The following FHIP1A variants were observed in gnomAD, a reference collection of about 807,000 sequenced individuals.
The protein encoded by FHIP1A is FHF complex subunit HOOK-interacting protein 1A.
Under a neutral mutation model 88.6 loss-of-function variants are expected in FHIP1A, and 61 were observed. The ratio of observed to expected loss-of-function variants is 0.69; its 90% CI spans 0.56 to 0.85. FHIP1A has a LOEUF of 0.85. FHIP1A is among the 40% of genes least tolerant of loss of function. The pLI, the probability that FHIP1A is intolerant of heterozygous loss-of-function variation, is 0.00. For synonymous variants in FHIP1A, 478 were observed against 496.0 expected (o/e 0.96, Z 0.48); for missense variants, 1,154 against 1,273.5 (o/e 0.91, Z 1.43).
Position 151,666,150 on chromosome 4 carries a change from T to A in FHIP1A, c.*3396T>A, listed in dbSNP as rs1737657766. Reference sequence around the variant, plus strand: ...TTTTTTGGAAATGGCCAAGTAAATGTTTTTTAAAATTTTACACAAAGAAAT... The same window carrying A: ...TTTTTTGGAAATGGCCAAGTAAATGATTTTTAAAATTTTACACAAAGAAAT... On this transcript the variant is annotated 3_prime_UTR_variant, in exon 14 of 14. Transcript: ENST00000435205. Among the ~76,000 whole-genome samples, 1 of 152,242 alleles carries A rather than the reference T, an allele frequency of 6.6e-6. No individual in the cohort carries two copies. The highest frequency in any genetic ancestry group is 2.4e-5 in the African/African-American group (1 of 41,464).
intron 3 of FHIP1A, among the ~76,000 whole-genome samples, chr4:151,501,666 A>C (rs1730652918): frequency 6.6e-6 from 1 of 151,922 alleles, no homozygotes; most frequent in Admixed American, 6.6e-5. Context: ...TTTCTTTGAT[A>C]ATCAAAGATT....
intron 3 of FHIP1A, among the ~76,000 whole-genome samples, chr4:151,497,267 A>G (rs1253089362): frequency 1.3e-5 from 2 of 152,196 alleles, no homozygotes; most frequent in Non-Finnish European, 2.9e-5. Context: ...AAATAAATCC[A>G]TATTTTGCTA....
chr4:151,647,146 A>G (rs1736828903), intron 10 of FHIP1A, among the ~76,000 whole-genome samples: 1 of 152,214 alleles, frequency 6.6e-6, no homozygotes, highest in African/African-American at 2.4e-5. Context: ...AAGGATTTAC[A>G]TATTATTATA....
At chr4:151,642,162 A>G (rs982094288) in intron 9 of FHIP1A, among the ~76,000 whole-genome samples, 2 of 152,258 alleles carry the variant, frequency 1.3e-5, no homozygotes, top group Non-Finnish European at 1.5e-5. Flanking sequence ...CGGATATGAC[A>G]TATGATAGGC....
rs1560825755 is a variant in FHIP1A, at chr4:151,656,397, G to T, written c.2717G>T (p.Arg906Leu). The change falls in exon 12 of 14, where the codon CGC (arginine) becomes CTC (leucine). Residue 906 changes from arginine to leucine, a missense_variant. Physicochemically the swap from Arg to Leu is moderately radical, Grantham distance 102 (BLOSUM62 -2). Coordinates refer to ENST00000435205, the MANE Select transcript of FHIP1A (RefSeq NM_001109977.3). The surrounding 1 kb of genome is among the most constrained non-coding windows in gnomAD (Gnocchi z 4.2). ...NTNMVFQPSVRSLYQVLASVK... is the reference protein window; with the variant it reads ...NTNMVFQPSVLSLYQVLASVK... ...AACATGGTCTTCCAGCCAAGCGTCC[G>T]CTCTCTCTATCAGGTATGTTAGCTG... 2 of 1,551,562 alleles carry T rather than the reference G, an allele frequency of 1.3e-6. No homozygotes were observed. The highest frequency in any genetic ancestry group is 1.7e-6 in the Non-Finnish European group (2 of 1,146,976).
At position 151,433,013 on chromosome 4, in the gene FHIP1A, A is replaced by G. The variant is rs77605438; in HGVS notation, c.-355-21688A>G. Among the ~76,000 whole-genome samples the G allele has an allele frequency of 2.6e-3, 397 of 152,306 alleles. 1 individual carries two copies. The highest frequency in any genetic ancestry group is 9.1e-3 in the African/African-American group (380 of 41,572). On this transcript the variant is annotated intron_variant, in intron 1 of 13. Transcript: ENST00000435205. The stretch of plus-strand genomic sequence containing the variant: ...TGTATGGTTGTATTACTAATGAGCA[A>G]AAATGGAAAGATACAGCTTATTTTG...
intron 8 of FHIP1A, among the ~76,000 whole-genome samples, chr4:151,632,807 C>T (rs1560810836): frequency 6.6e-6 from 1 of 151,920 alleles, no homozygotes; most frequent in Non-Finnish European, 1.5e-5. Context: ...TATACCCAAA[C>T]TTATGAGGTG....
intron 2 of FHIP1A, among the ~76,000 whole-genome samples, chr4:151,460,123 T>C (rs1004430240): frequency 6.6e-6 from 1 of 152,190 alleles, no homozygotes; most frequent in Non-Finnish European, 1.5e-5. Context: ...GAGGATACAT[T>C]ATTATGGTAA....
chr4:151,566,895 G>GA (rs1733408249), intron 4 of FHIP1A, among the ~76,000 whole-genome samples: 1 of 152,106 alleles, frequency 6.6e-6, no homozygotes, highest in African/African-American at 2.4e-5. Context: ...CTTGCTTAAG[G>GA]TTATACAACT....
At chr4:151,624,983 G>T (rs1735899346) in intron 7 of FHIP1A, among the ~76,000 whole-genome samples, 1 of 152,156 alleles carries the variant, frequency 6.6e-6, no homozygotes, top group Non-Finnish European at 1.5e-5. Context: ...GGCGCTTCTT[G>T]TCCTTGGAGG....
chr4:151,410,282 A>G (rs1732566241), intron 1 of FHIP1A, among the ~76,000 whole-genome samples: 1 of 152,236 alleles, frequency 6.6e-6, no homozygotes, highest in African/African-American at 2.4e-5. Context: ...CCAGCTATCC[A>G]GGGACAGGGA....
At chr4:151,471,327 GAA>G (rs10570533) in intron 2 of FHIP1A, among the ~76,000 whole-genome samples, 50,474 of 133,704 alleles carry the variant, frequency 0.38, 9,422 homozygotes, top group Non-Finnish European at 0.44. Flanking sequence ...TTCCAATAAG[GAA>G]AAAAAAAAAA....
intron 1 of FHIP1A, among the ~76,000 whole-genome samples, chr4:151,418,793 T>G (rs1293865104): frequency 6.6e-6 from 1 of 152,240 alleles, no homozygotes; most frequent in Admixed American, 6.5e-5. Context: ...CTCTGCATCT[T>G]AATTGCCTAC....
At chr4:151,414,331 G>C (rs573205683) in intron 1 of FHIP1A, among the ~76,000 whole-genome samples, 38 of 151,984 alleles carry the variant, frequency 2.5e-4, no homozygotes, top group African/African-American at 9.2e-4. Flanking sequence ...GGGATTACAG[G>C]CTTGAGCCAC....
intron 8 of FHIP1A, 63 bp downstream of exon 8, chr4:151,629,932 T>G: frequency 2.3e-6 from 3 of 1,325,740 alleles, no homozygotes; most frequent in Non-Finnish European, 3.1e-6. Context: ...GAGTTTTTTT[T>G]TGGGAATGAA....
At chr4:151,593,569 ATTAT>A (rs935949176) in intron 7 of FHIP1A, among the ~76,000 whole-genome samples, 2 of 151,976 alleles carry the variant, frequency 1.3e-5, no homozygotes, top group African/African-American at 4.8e-5. Flanking sequence ...CTGTGTTTCT[ATTAT>A]TTATGTATAG....
At chr4:151,583,579 C>T (rs1734102687) in intron 5 of FHIP1A, among the ~76,000 whole-genome samples, 1 of 152,154 alleles carries the variant, frequency 6.6e-6, no homozygotes, top group Admixed American at 6.5e-5. Context: ...TATTGATATA[C>T]TGAGTAGTTA....
intron 7 of FHIP1A, among the ~76,000 whole-genome samples, chr4:151,600,354 G>C (rs1258297876): frequency 6.6e-6 from 1 of 152,164 alleles, no homozygotes; most frequent in African/African-American, 2.4e-5. Flanking sequence ...GCGAAGTGCA[G>C]TTCTGCCATT....
intron 3 of FHIP1A, among the ~76,000 whole-genome samples, chr4:151,541,468 G>A (rs964410666): frequency 9.2e-5 from 14 of 152,158 alleles, no homozygotes; most frequent in African/African-American, 3.4e-4. Flanking sequence ...ACTCATGTCT[G>A]TGTCATCAAC....
Sources: gnomAD v4.1 joint callset for allele counts (sites outside exome capture counted in the v4.1 genomes callset) on GRCh38, gnomAD v4.1.1 for gene constraint, Gnocchi (gnomAD v3.1) non-coding constraint, MANE v1.5 for transcripts, NCBI Gene and HGNC (gene_info 2026-07-23, HGNC 2026-07-21) for gene names.